The following NBEAL1 variants were observed in gnomAD, a reference collection of about 807,000 sequenced individuals.
NBEAL1 encodes neurobeachin like 1.
In NBEAL1, 273 loss-of-function variants were observed where a neutral mutation model predicts 351.3. The observed-to-expected ratio is 0.78, with a 90% CI of 0.70 to 0.86. The LOEUF is 0.86. Ranked by LOEUF, NBEAL1 falls within the 40% of genes least tolerant of loss-of-function variation. The pLI is 0.00. For missense variants in NBEAL1, 2,961 were observed against 3,201.3 expected (o/e 0.92, Z 1.81); for synonymous variants, 1,050 against 1,086.4 (o/e 0.97, Z 0.66).
intron 34 of NBEAL1, among the ~76,000 whole-genome samples, 196 bp downstream of exon 34, chr2:203,149,344 T>G (rs903497794): frequency 1.3e-5 from 2 of 152,106 alleles, no homozygotes; most frequent in Admixed American, 6.5e-5. Flanking sequence ...TATCATACAG[T>G]TATTTGCCTT....
At chr2:203,042,073 C>T (rs2061151828) in intron 3 of NBEAL1, among the ~76,000 whole-genome samples, 1 of 152,182 alleles carries the variant, frequency 6.6e-6, no homozygotes, top group African/African-American at 2.4e-5. Context: ...AGGACACTAC[C>T]AGCTGGTGTT....
At position 203,216,959 on chromosome 2, in the gene NBEAL1, A is replaced by G. The variant is rs372491994; in HGVS notation, c.8071-294A>G. 8.5e-5 allele frequency among the ~76,000 whole-genome samples: 13 copies of G among 152,112 alleles called. No individual in the cohort carries two copies. The East Asian group carries it at 1.4e-3, about 16-fold the overall frequency. ...GCTGGGATTACAGGCGTGCGCCACC[A>G]TGTTGGGCTAATTTTTGTATCTTCA... On this transcript the variant is annotated intron_variant, in intron 55 of 55. Transcript: ENST00000683969.
Position 203,084,629 on chromosome 2 carries a change from T to C in NBEAL1, c.1098+60T>C, listed in dbSNP as rs1396085328. On this transcript the variant is annotated intron_variant, in intron 10 of 55. Transcript: ENST00000683969. ...AAGAAGCTATTTTTTGTTTTTGTTT[T>C]GATTCACATTTGAACATATTTTTAC... The C allele has an allele frequency of 1.0e-5, 10 of 984,118 alleles. No homozygotes were observed. In the African/African-American group the frequency reaches 1.5e-4, roughly 15 times the overall value. 61.0% of individuals were successfully genotyped at this position (984,118 alleles called of 1,614,324 possible). A position where few individuals can be genotyped will look rare whatever the true frequency, so the allele number is the denominator to read the frequency against.
intron 6 of NBEAL1, 120 bp from the exon 7 acceptor site, chr2:203,068,273 A>G: frequency 2.1e-6 from 1 of 486,866 alleles, no homozygotes; most frequent in East Asian, 3.2e-5. Context: ...GATCCTAGAG[A>G]TACATAGTTC....
intron 12 of NBEAL1, among the ~76,000 whole-genome samples, chr2:203,104,557 C>A (rs1472135951): frequency 6.6e-6 from 1 of 152,152 alleles, no homozygotes; most frequent in Non-Finnish European, 1.5e-5. Context: ...TAGTACTAAT[C>A]TGTGCATATT....
At chr2:203,206,513 C>T (rs1012323390) in intron 51 of NBEAL1, among the ~76,000 whole-genome samples, 2 of 152,162 alleles carry the variant, frequency 1.3e-5, no homozygotes, top group African/African-American at 4.8e-5. Flanking sequence ...TGCAACCTCC[C>T]TGCCTGATTC....
At chr2:203,071,993 G>A (rs894559067) in intron 7 of NBEAL1, among the ~76,000 whole-genome samples, 9 of 152,180 alleles carry the variant, frequency 5.9e-5, no homozygotes, top group African/African-American at 1.9e-4. Context: ...AATGCTGTCT[G>A]TGAGGGCAGC....
chr2:203,021,752 G>C (rs998027535), intron 2 of NBEAL1, among the ~76,000 whole-genome samples: 1 of 151,860 alleles, frequency 6.6e-6, no homozygotes, highest in African/African-American at 2.4e-5. Context: ...TATGTGTGTA[G>C]AAAAAGACAT....
chr2:203,129,642 C>T (rs1284956029), intron 24 of NBEAL1, among the ~76,000 whole-genome samples: 3 of 151,962 alleles, frequency 2.0e-5, no homozygotes, highest in Non-Finnish European at 4.4e-5. Flanking sequence ...TTCTTTTAAG[C>T]TAATGGGGCA....
intron 44 of NBEAL1, among the ~76,000 whole-genome samples, chr2:203,186,617 A>AAAATAAATAAAT (rs201998154): frequency 1.9e-4 from 29 of 152,084 alleles, no homozygotes; most frequent in African/African-American, 6.7e-4. Context: ...TTATTCCATA[A>AAAATAAATAAAT]AAATAAATAA....
chr2:203,077,723 T>G, intron 7 of NBEAL1, 29 bp from the exon 8 acceptor site: 1 of 1,146,394 alleles, frequency 8.7e-7, no homozygotes, highest in South Asian at 2.2e-5. Context: ...CAAATCTTAT[T>G]TATTTATTTA....
At chr2:203,050,467 A>G (rs2061307334) in intron 4 of NBEAL1, among the ~76,000 whole-genome samples, 1 of 152,170 alleles carries the variant, frequency 6.6e-6, no homozygotes, top group African/African-American at 2.4e-5. Context: ...AATTATATTA[A>G]AGTCAATGAC....
chr2:203,136,033 G>A lies in NBEAL1; in HGVS notation c.4170G>A (p.Glu1390=). ...GELSFKSENQ[E]EFWHSNPSHL... ...TGTCTTTCAAATCAGAGAATCAAGA[G>A]GAATTCTGGCATAGTAACCCTTCAC... The change falls in exon 28 of 56, where the codon GAG becomes GAA. Residue 1390 remains glutamate, a synonymous_variant. Transcript: ENST00000683969. The A allele has an allele frequency of 1.9e-6, 3 of 1,613,516 alleles. No individual in the cohort carries two copies. Among genetic ancestry groups the A allele is most frequent in the Non-Finnish European group, 2.5e-6 (3 of 1,179,754 alleles).
At chr2:203,189,819 G>T (rs1465893176) in intron 45 of NBEAL1, among the ~76,000 whole-genome samples, 2 of 151,794 alleles carry the variant, frequency 1.3e-5, no homozygotes, top group Non-Finnish European at 2.9e-5. Context: ...GTAAATTGAA[G>T]AATGGAATAA....
At chr2:203,129,023 CTTTG>C (rs770444198) in intron 24 of NBEAL1, among the ~76,000 whole-genome samples, 5 of 152,180 alleles carry the variant, frequency 3.3e-5, no homozygotes, top group African/African-American at 4.8e-5. Context: ...TAGTGGTTCT[CTTTG>C]TTTGGCCCCT....
At chr2:203,178,848 A>C (rs1435530347) in intron 42 of NBEAL1, among the ~76,000 whole-genome samples, 1 of 152,224 alleles carries the variant, frequency 6.6e-6, no homozygotes, top group Admixed American at 6.5e-5. Context: ...AATGTTGTAA[A>C]ATTCACTGTG....
chr2:203,178,472 C>T (rs548316439), intron 42 of NBEAL1, among the ~76,000 whole-genome samples: 4 of 152,090 alleles, frequency 2.6e-5, no homozygotes, highest in African/African-American at 7.2e-5. Flanking sequence ...TGGCCATACC[C>T]GTATAATTTA....
intron 45 of NBEAL1, among the ~76,000 whole-genome samples, chr2:203,189,861 G>C (rs966969146): frequency 2.0e-5 from 3 of 151,716 alleles, no homozygotes; most frequent in Admixed American, 6.6e-5. Context: ...ATGAGGTCAG[G>C]GTGGTGGCTC....
At chr2:203,031,224 T>C (rs898382949) in intron 2 of NBEAL1, among the ~76,000 whole-genome samples, 1 of 152,360 alleles carries the variant, frequency 6.6e-6, no homozygotes, top group Non-Finnish European at 1.5e-5. Flanking sequence ...TAGATAATCT[T>C]TCCACACATG....
Sources: allele counts gnomAD v4.1 joint callset (sites outside exome capture counted in the v4.1 genomes callset), GRCh38; gene constraint gnomAD v4.1.1; transcripts MANE v1.5; gene names NCBI Gene and HGNC (gene_info 2026-07-23, HGNC 2026-07-21).